The following LRRC49 variants were observed in gnomAD, a reference collection of about 807,000 sequenced individuals.
LRRC49 encodes leucine rich repeat containing 49, also known as leucine-rich repeat-containing protein 49.
Under a neutral mutation model 83.3 loss-of-function variants are expected in LRRC49, and 50 were observed. That is an observed-to-expected ratio of 0.60 (90% confidence interval 0.48 to 0.76). The LOEUF (loss-of-function observed/expected upper bound fraction) is 0.76. Among genes scored for constraint, LRRC49 ranks in the 30% least tolerant of loss-of-function variants. LRRC49 has a pLI of 0.00. For missense variants in LRRC49, 704 were observed against 809.1 expected (o/e 0.87, Z 1.58); for synonymous variants, 286 against 283.3 (o/e 1.01, Z -0.10).
chr15:70,958,902 C>A (rs2036495608), intron 8 of LRRC49, among the ~76,000 whole-genome samples: 1 of 152,116 alleles, frequency 6.6e-6, no homozygotes, highest in African/African-American at 2.4e-5. Flanking sequence ...ACAATAAAAG[C>A]AGTGAACTTT....
intron 2 of LRRC49, chr15:70,894,445 A>G: frequency 5.9e-6 from 2 of 338,402 alleles, no homozygotes; most frequent in South Asian, 2.4e-5. Flanking sequence ...CGATATGAAT[A>G]TGAGATTTTT....
chr15:70,877,013 A>T (rs2031017), intron 2 of LRRC49, among the ~76,000 whole-genome samples: 80,692 of 151,816 alleles, frequency 0.53, 22,530 homozygotes, highest in Admixed American at 0.69. Flanking sequence ...CTTCTCACTC[A>T]TCCTTTGCTT....
intron 14 of LRRC49, among the ~76,000 whole-genome samples, chr15:71,036,475 C>T (rs2039522628): frequency 6.6e-6 from 1 of 152,148 alleles, no homozygotes; most frequent in Non-Finnish European, 1.5e-5. Flanking sequence ...CTTCAGTACA[C>T]AGTTCACAGT....
At chr15:70,978,879 C>G (rs2037301439) in intron 9 of LRRC49, among the ~76,000 whole-genome samples, 1 of 152,138 alleles carries the variant, frequency 6.6e-6, no homozygotes, top group East Asian at 1.9e-4. Context: ...CTGATTCTCT[C>G]TTCAGCTGTG....
intron 2 of LRRC49, among the ~76,000 whole-genome samples, chr15:70,875,392 T>G (rs1442666450): frequency 6.6e-6 from 1 of 152,234 alleles, no homozygotes; most frequent in Non-Finnish European, 1.5e-5. Flanking sequence ...TTTAACATGA[T>G]GTTTACAATG....
intron 8 of LRRC49, among the ~76,000 whole-genome samples, chr15:70,941,143 A>C (rs751205890): frequency 1.1e-4 from 16 of 152,206 alleles, no homozygotes; most frequent in Admixed American, 1.3e-4. Flanking sequence ...TCTTTTAGTC[A>C]GAAAATAGGT....
chr15:70,951,207 C>T (rs980296239), intron 8 of LRRC49, among the ~76,000 whole-genome samples: 1 of 151,890 alleles, frequency 6.6e-6, no homozygotes, highest in Non-Finnish European at 1.5e-5. Flanking sequence ...CCTCTGGATT[C>T]ATTCTTTTTA....
chr15:70,965,969 A>G lies in LRRC49; in HGVS notation c.921+2037A>G, dbSNP rs558766842. On this transcript the variant is annotated intron_variant, in intron 9 of 15. Transcript: ENST00000260382. ...GAGCTGGCTACCTGTTTTTGTAAAT[A>G]AAGTTGTATTGGAACACAGTGATGC... is the stretch of plus-strand genomic sequence containing the variant. Among the ~76,000 whole-genome samples, 12 of 152,220 alleles carry G rather than the reference A, an allele frequency of 7.9e-5. No homozygotes were observed. In the South Asian group the frequency reaches 2.5e-3, roughly 32 times the overall value.
At chr15:70,873,775 G>A (rs2033098836) in intron 2 of LRRC49, among the ~76,000 whole-genome samples, 1 of 152,158 alleles carries the variant, frequency 6.6e-6, no homozygotes, top group Non-Finnish European at 1.5e-5. Flanking sequence ...CACTTTTAAA[G>A]CCTCAGTTTA....
intron 7 of LRRC49, among the ~76,000 whole-genome samples, chr15:70,933,947 T>TA (rs2035507267): frequency 6.6e-6 from 1 of 152,180 alleles, no homozygotes; most frequent in African/African-American, 2.4e-5. Flanking sequence ...AACAAAACCC[T>TA]AAAATCCCTT....
At chr15:70,965,946 G>A (rs1212150104) in intron 9 of LRRC49, among the ~76,000 whole-genome samples, 2 of 152,226 alleles carry the variant, frequency 1.3e-5, no homozygotes, top group East Asian at 3.9e-4. Context: ...CAGCCTGTGA[G>A]CTGGCTACCT....
In LRRC49 at chr15:70,904,575, T is replaced by G; in HGVS notation, c.320T>G (p.Ile107Ser). Reference protein sequence around the residue: ...LERQKLTVCPIINGEDHLRLL... With the variant: ...LERQKLTVCPSINGEDHLRLL... ...AGACAAAAGCTGACCGTATGTCCTA[T>G]CATCAATGGGGAAGACCACCTTCGT... The change falls in exon 5 of 16, where the codon ATC becomes AGC. Residue 107 changes from isoleucine (I) to serine (S), a missense_variant. By Grantham distance (142) the Ile-to-Ser change is moderately radical. This residue lies in a region of LRRC49 where 261 missense variants were observed against 330.5 expected (regional missense o/e 0.79). Transcript: ENST00000260382. 6.2e-7 allele frequency: 1 copy of G among 1,613,444 alleles called. No individual in the cohort carries two copies. Among genetic ancestry groups the G allele is most frequent in the African/African-American group, 1.3e-5 (1 of 75,030 alleles).
At chr15:70,884,831 CCATA>C (rs575971242) in intron 2 of LRRC49, among the ~76,000 whole-genome samples, 68 of 152,206 alleles carry the variant, frequency 4.5e-4, no homozygotes, top group South Asian at 1.7e-3. Context: ...AAAATTTGCA[CCATA>C]CAGAGAAGCA....
chr15:70,947,351 T>C (rs904953050), intron 8 of LRRC49, among the ~76,000 whole-genome samples: 18 of 152,202 alleles, frequency 1.2e-4, no homozygotes, highest in African/African-American at 4.1e-4. Context: ...TTGAAGAACA[T>C]TGATTATGTA....
chr15:70,901,853 T>C (rs1163827172), intron 4 of LRRC49, among the ~76,000 whole-genome samples: 2 of 152,182 alleles, frequency 1.3e-5, no homozygotes, highest in Admixed American at 1.3e-4. Flanking sequence ...TAGAACTCGA[T>C]CCCCATCTTT....
chr15:70,860,250 C>CAGGAGACCCACCTGAGGCTCAGCCCA lies in LRRC49; in HGVS notation c.-299+6784_-299+6809dup, dbSNP rs1595964193. The CAGGAGACCCACCTGAGGCTCAGCCCA allele has an allele frequency of 5.0e-6, 3 of 600,054 alleles. No individual in the cohort carries two copies. The East Asian group carries it at 8.6e-5, about 17-fold the overall frequency. 37.2% of individuals were successfully genotyped at this position (600,054 alleles called of 1,614,324 possible). ...CCGCTGTGCATGGTATCACAGGGAACAGGAGACCCACCTGAGGCTCAGCCC... is the reference window on the plus strand; with the variant it reads ...CCGCTGTGCATGGTATCACAGGGAACAGGAGACCCACCTGAGGCTCAGCCCAAGGAGACCCACCTGAGGCTCAGCCC... On this transcript the variant is annotated intron_variant, in intron 1 of 16. Transcript: ENST00000544974.
upstream of LRRC49, among the ~76,000 whole-genome samples, chr15:70,890,511 G>C (rs2033526855): frequency 6.6e-6 from 1 of 152,246 alleles, no homozygotes; most frequent in African/African-American, 2.4e-5. Flanking sequence ...AAAGAAATCA[G>C]ACATGATCCT....
chr15:70,941,320 T>C (rs2035805768), intron 8 of LRRC49, among the ~76,000 whole-genome samples: 1 of 151,992 alleles, frequency 6.6e-6, no homozygotes, highest in South Asian at 2.1e-4. Flanking sequence ...TTTTCTATGG[T>C]TTTTCATTGT....
intron 9 of LRRC49, among the ~76,000 whole-genome samples, chr15:70,978,389 T>G (rs142302563): frequency 6.6e-6 from 1 of 152,144 alleles, no homozygotes; most frequent in Non-Finnish European, 1.5e-5. Context: ...TACATTGTCT[T>G]TGAAAGTTTT....
Sources: gnomAD v4.1 joint callset for allele counts (sites outside exome capture counted in the v4.1 genomes callset) on GRCh38, gnomAD v4.1.1 for gene constraint, gnomAD v4.1.1 regional missense constraint, MANE v1.5 for transcripts, NCBI Gene and HGNC (gene_info 2026-07-23, HGNC 2026-07-21) for gene names.